The following BANK1 variants were observed in gnomAD, a reference collection of about 807,000 sequenced individuals.
BANK1 encodes B-cell scaffold protein with ankyrin repeats.
BANK1 carries 95 observed loss-of-function variants against 94.5 expected under a neutral mutation model. The ratio of observed to expected loss-of-function variants is 1.00; its 90% CI spans 0.85 to 1.19. The LOEUF (loss-of-function observed/expected upper bound fraction) is 1.19, where lower values mean the gene tolerates loss of function less well. Ranked by LOEUF, BANK1 falls within the 50% of genes most tolerant of loss-of-function variation. The probability of loss-of-function intolerance (pLI) is 0.00; values close to 1 mark genes in which losing one functional copy is unlikely to be tolerated. For missense variants in BANK1, 987 were observed against 932.2 expected (o/e 1.06, Z -0.77); for synonymous variants, 334 against 308.4 (o/e 1.08, Z -0.87).
At position 101,936,196 on chromosome 4, in the gene BANK1, T is replaced by TA. The variant is rs397733735; in HGVS notation, c.1206+18007_1206+18008insA. ...GAAAAAAATATATATGATATATATA[T>TA]TTTTTATATATCATATATGTACATG... On this transcript the variant is annotated intron_variant, in intron 7 of 16. Transcript: ENST00000322953. Among the ~76,000 whole-genome samples the TA allele has an allele frequency of 1.3e-3, 170 of 131,860 alleles. 3 individuals carry two copies. The East Asian group carries it at 0.019, about 15-fold the overall frequency. The allele number at this position is 131,860 out of a possible 152,430, so 86.5% of individuals were successfully genotyped here.
intron 1 of BANK1, among the ~76,000 whole-genome samples, chr4:101,799,769 G>C (rs1725292220): frequency 1.3e-5 from 2 of 152,168 alleles, no homozygotes; most frequent in South Asian, 4.1e-4. Flanking sequence ...AGCTACTTGG[G>C]AGGCTGAGGC....
chr4:101,895,489 A>G, intron 6 of BANK1, 79 bp downstream of exon 6: 1 of 837,264 alleles, frequency 1.2e-6, no homozygotes, highest in Non-Finnish European at 1.9e-6. Flanking sequence ...TGTTATAACC[A>G]AAAATATAGG....
At chr4:101,927,680 T>C (rs564206005) in intron 7 of BANK1, among the ~76,000 whole-genome samples, 2 of 151,758 alleles carry the variant, frequency 1.3e-5, no homozygotes, top group South Asian at 4.2e-4. Context: ...AGAAAGTGTG[T>C]AGTTACTGAT....
intron 6 of BANK1, among the ~76,000 whole-genome samples, chr4:101,914,642 A>G (rs1050582357): frequency 6.6e-6 from 1 of 152,140 alleles, no homozygotes; most frequent in African/African-American, 2.4e-5. Flanking sequence ...TGATCAACCA[A>G]TTGATACATA....
At chr4:101,865,188 T>C (rs1383010883) in intron 4 of BANK1, among the ~76,000 whole-genome samples, 1 of 152,080 alleles carries the variant, frequency 6.6e-6, no homozygotes, top group Non-Finnish European at 1.5e-5. Context: ...ACAAGGACAA[T>C]CCACTATTCC....
At chr4:102,022,112 G>A (rs1455448229) in intron 8 of BANK1, among the ~76,000 whole-genome samples, 1 of 151,812 alleles carries the variant, frequency 6.6e-6, no homozygotes, top group Non-Finnish European at 1.5e-5. Flanking sequence ...ATATAAACGT[G>A]TATATATACG....
At chr4:101,828,385 A>G (rs1255294612) in intron 1 of BANK1, among the ~76,000 whole-genome samples, 1 of 52,450 alleles carries the variant, frequency 1.9e-5, no homozygotes, top group Non-Finnish European at 3.3e-5. Context: ...GAGTGAATTT[A>G]TATATATATA....
chr4:102,007,083 T>TATATATTTATATATATATAA, intron 7 of BANK1, among the ~76,000 whole-genome samples: 1 of 72,316 alleles, frequency 1.4e-5, no homozygotes, highest in South Asian at 3.1e-4. Context: ...TATATATAAA[T>TATATATTTATATATATATAA]ATATATATAA....
At chr4:101,875,954 C>T (rs1728474201) in intron 5 of BANK1, among the ~76,000 whole-genome samples, 1 of 152,166 alleles carries the variant, frequency 6.6e-6, no homozygotes, top group East Asian at 1.9e-4. Flanking sequence ...TCACCCCTCT[C>T]CTAACCCCAG....
In BANK1 at chr4:101,918,628, G is replaced by A. The variant is rs547301590; in HGVS notation, c.1206+439G>A. Among the ~76,000 whole-genome samples, 170 of 151,970 alleles carry A rather than the reference G, an allele frequency of 1.1e-3. 1 individual carries two copies. Among genetic ancestry groups the A allele is most frequent in the African/African-American group, 3.6e-3 (150 of 41,506 alleles). ...GTTTAGAAAAGCAATTGTTTTTCTG[G>A]TTGTAACAAAGATATGCACATTTTG... On this transcript the variant is annotated intron_variant, in intron 7 of 16. Coordinates refer to ENST00000322953, the MANE Select transcript of BANK1 (RefSeq NM_017935.5).
chr4:102,007,385 G>GTAT (rs964616404), intron 7 of BANK1, among the ~76,000 whole-genome samples: 1 of 150,974 alleles, frequency 6.6e-6, no homozygotes, highest in Non-Finnish European at 1.5e-5. Context: ...TAGCAACTGG[G>GTAT]TATTAGGTTC....
At chr4:101,873,024 G>GA (rs200456743) in intron 5 of BANK1, among the ~76,000 whole-genome samples, 72 of 149,064 alleles carry the variant, frequency 4.8e-4, no homozygotes, top group Admixed American at 3.0e-3. Context: ...AAAGTAAAAA[G>GA]AAAAAAAAAC....
chr4:101,839,937 A>ATTTATTTATTTATTTATTTATTT (rs1726969190), intron 2 of BANK1, among the ~76,000 whole-genome samples: 1 of 53,036 alleles, frequency 1.9e-5, no homozygotes, highest in African/African-American at 7.5e-5. Context: ...CAAATATTTA[A>ATTTATTTATTTATTTATTTATTT]TTTTTTTTTT....
chr4:101,900,593 T>C (rs904639055), intron 6 of BANK1, among the ~76,000 whole-genome samples: 2 of 152,054 alleles, frequency 1.3e-5, no homozygotes, highest in African/African-American at 4.8e-5. Context: ...AAGTAAGGAT[T>C]GTGGGACATA....
At chr4:102,016,136 A>G (rs575417988) in intron 7 of BANK1, among the ~76,000 whole-genome samples, 1 of 152,220 alleles carries the variant, frequency 6.6e-6, no homozygotes, top group Non-Finnish European at 1.5e-5. Flanking sequence ...CAGATTTAAT[A>G]TCATCTATTC....
At chr4:101,868,104 G>A (rs974423855) in intron 4 of BANK1, among the ~76,000 whole-genome samples, 9 of 151,992 alleles carry the variant, frequency 5.9e-5, no homozygotes, top group Non-Finnish European at 1.2e-4. Context: ...TAAATCAAAA[G>A]TGAAAAGTGA....
chr4:101,811,209 A>T (rs1466689904), intron 1 of BANK1, among the ~76,000 whole-genome samples: 1 of 152,178 alleles, frequency 6.6e-6, no homozygotes, highest in Non-Finnish European at 1.5e-5. Context: ...AAAATTTCTA[A>T]GACAGACAAC....
At chr4:101,875,534 T>C (rs1236689257) in intron 5 of BANK1, among the ~76,000 whole-genome samples, 1 of 151,898 alleles carries the variant, frequency 6.6e-6, no homozygotes, top group Non-Finnish European at 1.5e-5. Flanking sequence ...AACCATCAGA[T>C]CTCATTAGAA....
chr4:101,919,739 A>G (rs1352079956), intron 7 of BANK1, among the ~76,000 whole-genome samples: 1 of 152,038 alleles, frequency 6.6e-6, no homozygotes, highest in Non-Finnish European at 1.5e-5. Flanking sequence ...AAATGTTACC[A>G]TTATAGTTAA....
Sources: allele counts gnomAD v4.1 joint callset (sites outside exome capture counted in the v4.1 genomes callset), GRCh38; gene constraint gnomAD v4.1.1; transcripts MANE v1.5; gene names NCBI Gene and HGNC (gene_info 2026-07-23, HGNC 2026-07-21).